Variants in CEP128 observed in about 807,000 individuals in gnomAD.
The protein encoded by CEP128 is centrosomal protein 128, also known as centrosomal protein 128kDa.
Under a neutral mutation model 156.7 loss-of-function variants are expected in CEP128, and 132 were observed. The observed-to-expected ratio is 0.84, with a 90% CI of 0.73 to 0.97. The LOEUF is 0.97. Ranked by LOEUF, CEP128 falls within the 50% of genes least tolerant of loss-of-function variation. The probability of loss-of-function intolerance (pLI) is 0.00; values close to 1 mark genes in which losing one functional copy is unlikely to be tolerated. For missense variants in CEP128, 1,252 were observed against 1,281.9 expected (o/e 0.98, Z 0.36); for synonymous variants, 469 against 448.9 (o/e 1.04, Z -0.57).
chr14:80,819,605 A>G (rs1169328021), intron 13 of CEP128, among the ~76,000 whole-genome samples: 6 of 151,808 alleles, frequency 4.0e-5, no homozygotes, highest in African/African-American at 1.4e-4. Flanking sequence ...TCATGACCTT[A>G]TTACCTCCCC....
At chr14:80,761,879 A>T (rs1288104657) in intron 16 of CEP128, among the ~76,000 whole-genome samples, 2 of 152,152 alleles carry the variant, frequency 1.3e-5, no homozygotes, top group Non-Finnish European at 2.9e-5. Flanking sequence ...AGAAAAAAAG[A>T]AGTAGAAAAA....
chr14:80,863,228 ATT>A (rs1887604623), intron 8 of CEP128, among the ~76,000 whole-genome samples: 1 of 152,220 alleles, frequency 6.6e-6, no homozygotes, highest in South Asian at 2.1e-4. Context: ...TAAAAATTGC[ATT>A]TGTTAGCCAA....
intron 19 of CEP128, among the ~76,000 whole-genome samples, chr14:80,658,895 C>T (rs888988719): frequency 1.3e-5 from 2 of 152,144 alleles, no homozygotes; most frequent in Admixed American, 1.3e-4. Context: ...CTTAAAGTTA[C>T]ATAATGAGAC....
chr14:80,904,658 T>C (rs982553692), intron 6 of CEP128, among the ~76,000 whole-genome samples, 155 bp downstream of exon 6: 1 of 152,052 alleles, frequency 6.6e-6, no homozygotes, highest in African/African-American at 2.4e-5. Context: ...AAAGTAAAAG[T>C]CGTTTACTTG....
At chr14:80,510,818 T>TA (rs1283691666) in intron 23 of CEP128, among the ~76,000 whole-genome samples, 20 of 151,958 alleles carry the variant, frequency 1.3e-4, no homozygotes, top group Admixed American at 1.2e-3. Context: ...GTTTTTTTTT[T>TA]ATCATGAAGG....
chr14:80,773,237 C>T (rs1208430567), intron 16 of CEP128, among the ~76,000 whole-genome samples: 1 of 152,058 alleles, frequency 6.6e-6, no homozygotes, highest in Non-Finnish European at 1.5e-5. Context: ...TTCACTAATA[C>T]TGGAAAATAA....
At chr14:80,874,290 CCT>C (rs1409851457) in intron 8 of CEP128, among the ~76,000 whole-genome samples, 1 of 151,854 alleles carries the variant, frequency 6.6e-6, no homozygotes, top group Non-Finnish European at 1.5e-5. Flanking sequence ...ATCGCGAAAC[CCT>C]GTCTCTATTA....
chr14:80,904,406 G>A (rs1883764503), intron 6 of CEP128, among the ~76,000 whole-genome samples: 1 of 152,044 alleles, frequency 6.6e-6, no homozygotes, highest in South Asian at 2.1e-4. Flanking sequence ...AGACAGACAG[G>A]AGGAATAGGT....
At chr14:80,681,052 T>C (rs1227660601) in intron 19 of CEP128, among the ~76,000 whole-genome samples, 1 of 152,150 alleles carries the variant, frequency 6.6e-6, no homozygotes, top group Non-Finnish European at 1.5e-5. Context: ...TAGTCGGCTC[T>C]TGCTCATAAA....
At chr14:80,602,566 T>C (rs1011133755) in intron 19 of CEP128, among the ~76,000 whole-genome samples, 3 of 152,090 alleles carry the variant, frequency 2.0e-5, no homozygotes, top group African/African-American at 7.2e-5. Context: ...GGTCAGGAGA[T>C]TGAGACCATC....
intron 19 of CEP128, among the ~76,000 whole-genome samples, chr14:80,603,355 T>A (rs1158180862): frequency 6.6e-6 from 1 of 152,116 alleles, no homozygotes; most frequent in Admixed American, 6.5e-5. Context: ...GGGAGGGATA[T>A]GGGAGTAACT....
At chr14:80,816,404 T>C (rs1316611255) in intron 13 of CEP128, among the ~76,000 whole-genome samples, 1 of 152,098 alleles carries the variant, frequency 6.6e-6, no homozygotes, top group Admixed American at 6.6e-5. Context: ...CAGCCCCAAC[T>C]TGTAGAGCAG....
intron 13 of CEP128, among the ~76,000 whole-genome samples, chr14:80,798,323 A>T (rs1214185505): frequency 1.3e-5 from 2 of 152,236 alleles, no homozygotes; most frequent in Non-Finnish European, 2.9e-5. Context: ...AAGATTTATT[A>T]AAGAGGAAAG....
At chr14:80,682,457 C>T (rs918264708) in intron 19 of CEP128, among the ~76,000 whole-genome samples, 1 of 152,044 alleles carries the variant, frequency 6.6e-6, no homozygotes, top group African/African-American at 2.4e-5. Context: ...GTAAAGTGAC[C>T]AAACCTAGGA....
At chr14:80,872,749 C>G (rs1888088246) in intron 8 of CEP128, among the ~76,000 whole-genome samples, 1 of 152,166 alleles carries the variant, frequency 6.6e-6, no homozygotes, top group South Asian at 2.1e-4. Flanking sequence ...TCTTCTCTGA[C>G]AGCAGGTTAT....
At chr14:80,699,523 G>C (rs1897000027) in intron 19 of CEP128, among the ~76,000 whole-genome samples, 1 of 152,054 alleles carries the variant, frequency 6.6e-6, no homozygotes, top group South Asian at 2.1e-4. Context: ...TCTAAATTAT[G>C]AACAAAATTA....
chr14:80,658,491 A>G (rs1000048281), intron 19 of CEP128, among the ~76,000 whole-genome samples: 40 of 152,202 alleles, frequency 2.6e-4, no homozygotes, highest in African/African-American at 9.2e-4. Flanking sequence ...CCTTCTTTTA[A>G]GAGACTCAGT....
chr14:80,573,258 G>A (rs370547757), intron 20 of CEP128, among the ~76,000 whole-genome samples: 83 of 152,122 alleles, frequency 5.5e-4, no homozygotes, highest in Admixed American at 1.9e-3. Context: ...TAAACTTTCT[G>A]TCACAGAGAA....
chr14:80,910,701 A>G (rs1214519943), intron 4 of CEP128, among the ~76,000 whole-genome samples: 1 of 148,090 alleles, frequency 6.8e-6, no homozygotes, highest in Non-Finnish European at 1.5e-5. Context: ...GGACTAACAC[A>G]GGTAGTTTAT....
Sources: gnomAD v4.1 joint callset for allele counts (sites outside exome capture counted in the v4.1 genomes callset) on GRCh38, gnomAD v4.1.1 for gene constraint, MANE v1.5 for transcripts, NCBI Gene and HGNC (gene_info 2026-07-23, HGNC 2026-07-21) for gene names.